Variants in TENM2 observed in about 807,000 individuals in gnomAD.
TENM2 encodes the protein teneurin-2.
A neutral mutation model predicts 245.2 loss-of-function variants in TENM2; 52 were observed. That is an observed-to-expected ratio of 0.21 (90% CI 0.17 to 0.27). The LOEUF (loss-of-function observed/expected upper bound fraction) is 0.27, where lower values mean the gene tolerates loss of function less well. Ranked by LOEUF, TENM2 falls within the 10% of genes least tolerant of loss-of-function variation. TENM2 has a pLI of 1.00. For missense variants in TENM2, 3,046 were observed against 3,666.8 expected, an observed-to-expected ratio of 0.83 and a Z score of 4.37; for synonymous variants, 1,363 against 1,438.9, an observed-to-expected ratio of 0.95 and a Z score of 1.19.
In TENM2 at chr5:168,223,107, G is replaced by C. The variant is rs1303676755; in HGVS notation, c.5109-2981G>C. 2.0e-5 allele frequency among the ~76,000 whole-genome samples: 3 copies of C among 152,226 alleles called. 1 individual carries two copies. The highest frequency in any genetic ancestry group is 2.9e-5 in the Non-Finnish European group (2 of 68,042). On this transcript the variant is annotated intron_variant, in intron 23 of 28. Coordinates refer to ENST00000518659, the Ensembl canonical transcript of TENM2. ...TCCTTGGGGGAAGTAAGTAGAGCTG[G>C]AGGCAGCCGAATCTTCTTAAAAGTT...
chr5:167,580,862 G>T (rs1012391528), intron 2 of TENM2, among the ~76,000 whole-genome samples: 5 of 152,180 alleles, frequency 3.3e-5, no homozygotes, highest in African/African-American at 1.2e-4. Flanking sequence ...GGTGGCGCAA[G>T]CTTGTAATAC....
At chr5:167,462,358 G>A (rs934836387) in intron 2 of TENM2, among the ~76,000 whole-genome samples, 3 of 152,152 alleles carry the variant, frequency 2.0e-5, no homozygotes, top group Non-Finnish European at 2.9e-5. Context: ...TGTGACATCT[G>A]AAGCCCCAGT....
At chr5:168,227,451 G>C (rs1764306506) in intron 24 of TENM2, among the ~76,000 whole-genome samples, 1 of 151,686 alleles carries the variant, frequency 6.6e-6, no homozygotes, top group Non-Finnish European at 1.5e-5. Flanking sequence ...TCTGGCCTGT[G>C]GCTAGACCAG....
chr5:167,288,383 C>T (rs563470649), intron 1 of TENM2, among the ~76,000 whole-genome samples: 16 of 151,990 alleles, frequency 1.1e-4, no homozygotes, highest in East Asian at 3.9e-4. Context: ...CACGGTGAAA[C>T]GCTATCTCTA....
chr5:168,016,723 C>T lies in TENM2; in HGVS notation c.1186+23541C>T, dbSNP rs909466663. ...CTTGCTTGGTAGCTAACAGCAAAAC[C>T]TCTGAAATCGGATAGAATGGCGCTG... is the stretch of plus-strand genomic sequence containing the variant. On this transcript the variant is annotated intron_variant, in intron 5 of 28. Coordinates refer to ENST00000518659, the Ensembl canonical transcript of TENM2. Among the ~76,000 whole-genome samples the T allele has an allele frequency of 5.3e-5, 8 of 152,302 alleles. No individual in the cohort carries two copies. In the South Asian group the frequency reaches 1.7e-3, roughly 32 times the overall value.
At chr5:168,229,966 G>C (rs1764688134) in intron 25 of TENM2, 1 of 152,208 alleles carries the variant, frequency 6.6e-6, no homozygotes, top group South Asian at 2.1e-4. Flanking sequence ...TTGATTATAA[G>C]TAGTAATCGT....
At chr5:167,272,165 CTCTT>C in the TENM2 span, among the ~76,000 whole-genome samples, 3 of 152,174 alleles carry the variant, frequency 2.0e-5, no homozygotes, top group Admixed American at 1.3e-4. Context: ...CAGCTTCTCT[CTCTT>C]TCTTTTGTGT....
At chr5:167,078,416 G>A in the TENM2 span, among the ~76,000 whole-genome samples, 3 of 152,078 alleles carry the variant, frequency 2.0e-5, no homozygotes, top group South Asian at 6.2e-4. Flanking sequence ...CCGGGAAGTG[G>A]AGGTTGCAGT....
At chr5:167,926,815 C>T (rs943890469) in intron 3 of TENM2, among the ~76,000 whole-genome samples, 3 of 151,310 alleles carry the variant, frequency 2.0e-5, no homozygotes, top group East Asian at 1.9e-4. Context: ...ACTGTGTCGA[C>T]GTCAATTCCT....
the TENM2 span, among the ~76,000 whole-genome samples, chr5:167,025,190 T>C: frequency 1.3e-5 from 2 of 152,228 alleles, no homozygotes; most frequent in Non-Finnish European, 2.9e-5. Context: ...TTTAATAATA[T>C]ATTTTTTAGC....
the TENM2 span, among the ~76,000 whole-genome samples, chr5:167,220,310 T>G: frequency 6.6e-6 from 1 of 152,240 alleles, no homozygotes; most frequent in Non-Finnish European, 1.5e-5. Context: ...TTGGCACTTA[T>G]AGACACTATG....
intron 6 of TENM2, among the ~76,000 whole-genome samples, chr5:168,052,405 C>T (rs925218553): frequency 4.0e-5 from 6 of 151,698 alleles, no homozygotes; most frequent in Admixed American, 2.0e-4. Context: ...TATACACACA[C>T]CCACACACAC....
chr5:168,013,478 C>G (rs1785420164), intron 5 of TENM2, among the ~76,000 whole-genome samples: 1 of 152,120 alleles, frequency 6.6e-6, no homozygotes, highest in African/African-American at 2.4e-5. Flanking sequence ...GTGGCACATG[C>G]CTGTAATCCC....
chr5:167,418,265 G>A (rs1763283147), intron 2 of TENM2, among the ~76,000 whole-genome samples: 1 of 151,682 alleles, frequency 6.6e-6, no homozygotes, highest in South Asian at 2.1e-4. Context: ...GGAGGTGGAG[G>A]TTGAGGTGAG....
intron 2 of TENM2, among the ~76,000 whole-genome samples, chr5:167,465,288 T>C (rs1375368054): frequency 6.6e-6 from 1 of 152,230 alleles, no homozygotes; most frequent in African/African-American, 2.4e-5. Context: ...TGTGAGATGC[T>C]ATTAAAGATG....
intron 2 of TENM2, among the ~76,000 whole-genome samples, chr5:167,398,377 CCTTTCTTTCTTTCTTTCTTTCTTT>C (rs33991275): frequency 1.5e-5 from 2 of 137,080 alleles, no homozygotes; most frequent in South Asian, 2.4e-4. Flanking sequence ...TTTCTTTCTT[CCTTTCTTTCTTTCTTTCTTTCTTT>C]CTTTCTTTCT....
At chr5:167,529,971 A>T (rs1562030231) in intron 2 of TENM2, among the ~76,000 whole-genome samples, 1 of 152,212 alleles carries the variant, frequency 6.6e-6, no homozygotes, top group Non-Finnish European at 1.5e-5. Context: ...TATATACATT[A>T]TCTATCACAA....
upstream of TENM2, among the ~76,000 whole-genome samples, chr5:167,284,362 G>T (rs539414644): frequency 5.3e-5 from 8 of 152,052 alleles, no homozygotes; most frequent in Non-Finnish European, 1.0e-4. Context: ...TTTTGGAGGG[G>T]GGGTGGTATT....
chr5:168,238,157 A>G lies in TENM2; in HGVS notation c.5521-6263A>G, dbSNP rs111446650. Among the ~76,000 whole-genome samples, 124 of 69,902 alleles carry G rather than the reference A, an allele frequency of 1.8e-3. 1 individual carries two copies. The highest frequency in any genetic ancestry group is 7.0e-3 in the African/African-American group (90 of 12,890). 45.9% of individuals were successfully genotyped at this position (69,902 alleles called of 152,430 possible). ...GAGACTCCATCTCAAGAAAGAAAGA[A>G]AGAGAGAGAGAGAGAGAGAGAGAGA... On this transcript the variant is annotated intron_variant, in intron 25 of 28. Transcript: ENST00000518659.
Sources: gnomAD v4.1 joint callset for allele counts (sites outside exome capture counted in the v4.1 genomes callset) on GRCh38, gnomAD v4.1.1 for gene constraint, MANE v1.5 for transcripts, NCBI Gene and HGNC (gene_info 2026-07-23, HGNC 2026-07-21) for gene names.